Variants in ANO2 observed in about 807,000 individuals in gnomAD.
The protein encoded by ANO2 is anoctamin 2.
A neutral mutation model predicts 124.2 loss-of-function variants in ANO2; 101 were observed. The observed-to-expected ratio is 0.81, with a 90% confidence interval of 0.69 to 0.96. The LOEUF is 0.96. Among genes scored for constraint, ANO2 ranks in the 40% least tolerant of loss-of-function variants. The pLI is 0.00. For synonymous variants in ANO2, 486 were observed against 482.5 expected (o/e 1.01, Z -0.09); for missense variants, 1,293 against 1,274.5 (o/e 1.01, Z -0.22).
At chr12:5,827,439 T>C (rs889115024) in intron 7 of ANO2, among the ~76,000 whole-genome samples, 2 of 152,124 alleles carry the variant, frequency 1.3e-5, no homozygotes, top group Non-Finnish European at 2.9e-5. Flanking sequence ...TTAGAAACTA[T>C]TGGAAATGGT....
chr12:5,833,015 G>A (rs1021250052), intron 4 of ANO2, among the ~76,000 whole-genome samples: 15 of 152,276 alleles, frequency 9.9e-5, no homozygotes, highest in African/African-American at 2.9e-4. Context: ...GAGGTGAGGC[G>A]AATTAACAAA....
chr12:5,837,205 TCCACGGGGCCAGGAGTGCAGCAA>T (rs1205096150), intron 4 of ANO2, among the ~76,000 whole-genome samples: 4 of 100,830 alleles, frequency 4.0e-5, no homozygotes, highest in African/African-American at 1.3e-4. Flanking sequence ...GAGTGCAGCA[TCCACGGGGCCAGGAGTGCAGCAA>T]CCACGGGGCC....
chr12:5,814,811 C>T (rs887135165), intron 7 of ANO2, among the ~76,000 whole-genome samples: 1 of 152,196 alleles, frequency 6.6e-6, no homozygotes, highest in African/African-American at 2.4e-5. Context: ...TTATCCATTT[C>T]CTAATTAAAT....
chr12:5,679,074 A>G (rs1318089104), intron 14 of ANO2, among the ~76,000 whole-genome samples: 1 of 152,250 alleles, frequency 6.6e-6, no homozygotes, highest in East Asian at 1.9e-4. Flanking sequence ...GCATTGACAT[A>G]TGTGTAACAT....
chr12:5,921,458 C>A, intron 2 of ANO2, 92 bp from the exon 3 acceptor site: 1 of 1,312,236 alleles, frequency 7.6e-7, no homozygotes, highest in South Asian at 1.4e-5. Flanking sequence ...CTCAGGGAAA[C>A]GGACTCAGAA....
intron 10 of ANO2, among the ~76,000 whole-genome samples, chr12:5,761,059 A>C (rs1364582180): frequency 5.1e-5 from 1 of 19,596 alleles, no homozygotes; most frequent in Non-Finnish European, 1.3e-4. Flanking sequence ...CCCCCACAGC[A>C]AAAAAAAAAA....
At chr12:5,809,362 G>A (rs1953311981) in intron 7 of ANO2, among the ~76,000 whole-genome samples, 1 of 152,130 alleles carries the variant, frequency 6.6e-6, no homozygotes, top group Non-Finnish European at 1.5e-5. Context: ...ATGGATAGAG[G>A]TTGAAGCATC....
chr12:5,845,391 C>T (rs1443547782), intron 4 of ANO2, among the ~76,000 whole-genome samples: 4 of 151,834 alleles, frequency 2.6e-5, no homozygotes, highest in African/African-American at 9.7e-5. Flanking sequence ...CACGGTGAAA[C>T]TCCATCTCTA....
intron 23 of ANO2, among the ~76,000 whole-genome samples, chr12:5,567,195 C>T (rs773404189): frequency 7.9e-5 from 12 of 152,136 alleles, no homozygotes; most frequent in Non-Finnish European, 1.3e-4. Context: ...TCACAGCTGC[C>T]GCAAGCTTGG....
At chr12:5,809,436 A>ACACC (rs1258091500) in intron 7 of ANO2, among the ~76,000 whole-genome samples, 13 of 152,104 alleles carry the variant, frequency 8.5e-5, no homozygotes, top group Admixed American at 8.5e-4. Flanking sequence ...CCATACAGTC[A>ACACC]CACCCCACAG....
intron 10 of ANO2, among the ~76,000 whole-genome samples, chr12:5,755,123 G>A (rs1197448265): frequency 6.6e-6 from 1 of 151,900 alleles, no homozygotes; most frequent in Non-Finnish European, 1.5e-5. Flanking sequence ...TTTGTCTTGA[G>A]ATATTTTCTA....
intron 20 of ANO2, among the ~76,000 whole-genome samples, chr12:5,583,400 T>C (rs1942869024): frequency 6.6e-6 from 1 of 152,092 alleles, no homozygotes; most frequent in Admixed American, 6.5e-5. Context: ...ACGCCTGTAA[T>C]CCCAGCACTT....
chr12:5,745,507 C>CTGGTG (rs1951239582), intron 11 of ANO2, among the ~76,000 whole-genome samples: 1 of 152,192 alleles, frequency 6.6e-6, no homozygotes, highest in African/African-American at 2.4e-5. Flanking sequence ...GGAGAGCAAG[C>CTGGTG]TGGTGCCCTG....
At chr12:5,809,224 T>G (rs1953305234) in intron 7 of ANO2, among the ~76,000 whole-genome samples, 1 of 152,104 alleles carries the variant, frequency 6.6e-6, no homozygotes, top group East Asian at 1.9e-4. Context: ...GCATCATTAC[T>G]CAGTTCAAGA....
At chr12:5,945,292 A>T (rs997823053), upstream of ANO2, 15 of 1,222,912 alleles carry the variant, frequency 1.2e-5, no homozygotes, top group East Asian at 9.5e-4. Flanking sequence ...GGCTAATTCC[A>T]TCGCGGCTCA....
intron 20 of ANO2, among the ~76,000 whole-genome samples, chr12:5,585,595 G>A (rs1462660246): frequency 6.6e-6 from 1 of 152,186 alleles, no homozygotes; most frequent in East Asian, 1.9e-4. Flanking sequence ...TGAACTTCCA[G>A]TAAATATTTA....
At chr12:5,888,796 C>T (rs1939166917) in intron 3 of ANO2, among the ~76,000 whole-genome samples, 1 of 152,250 alleles carries the variant, frequency 6.6e-6, no homozygotes, top group South Asian at 2.1e-4. Context: ...AAAGGTTCTC[C>T]AAGTCCCCAC....
rs560469599 is a variant in ANO2, at chr12:5,829,838, T to C, written c.840+597A>G. Among the ~76,000 whole-genome samples, 77 of 152,312 alleles carry C rather than the reference T, an allele frequency of 5.1e-4. 1 individual carries two copies. Among genetic ancestry groups the C allele is most frequent in the Middle Eastern group, 3.4e-3 (1 of 294 alleles). ...TCCTACAAAATTCAAACACTTGACA[T>C]GAAGGCAAAACGACTGTAGAAGAAG... On this transcript the variant is annotated intron_variant, in intron 6 of 24. Transcript: ENST00000682330.
At chr12:5,868,172 A>T (rs1299001824) in intron 3 of ANO2, among the ~76,000 whole-genome samples, 1 of 152,204 alleles carries the variant, frequency 6.6e-6, no homozygotes, top group African/African-American at 2.4e-5. Flanking sequence ...TCTAGTGTAC[A>T]CCATTAATAT....
Sources: allele counts gnomAD v4.1 joint callset (sites outside exome capture counted in the v4.1 genomes callset), GRCh38; gene constraint gnomAD v4.1.1; transcripts MANE v1.5; gene names NCBI Gene and HGNC (gene_info 2026-07-23, HGNC 2026-07-21).